NPRL3: variants seen among roughly 807,000 people sequenced by gnomAD.
NPRL3 encodes NPR3 like, GATOR1 complex subunit.
In NPRL3, 23 loss-of-function variants were observed where a neutral mutation model predicts 57.2. The observed-to-expected ratio is 0.40, with a 90% CI of 0.29 to 0.57. NPRL3 has a LOEUF of 0.57. Among genes scored for constraint, NPRL3 ranks in the 20% least tolerant of loss-of-function variants. NPRL3 has a pLI of 0.42. For missense variants in NPRL3, 691 were observed against 767.1 expected (o/e 0.90, Z 1.17); for synonymous variants, 333 against 321.1 (o/e 1.04, Z -0.39).
intron 9 of NPRL3, among the ~76,000 whole-genome samples, chr16:95,350 TACACACACACACACACACAC>T (rs142854412): frequency 1.8e-5 from 2 of 110,990 alleles, no homozygotes; most frequent in Admixed American, 9.3e-5. Context: ...TATATATATA[TACACACACACACACACACAC>T]ACACACACAC....
At position 100,373 on chromosome 16, in the gene NPRL3, G is replaced by C. The variant is rs779688768; in HGVS notation, c.766C>G (p.Arg256Gly). 4 of 1,534,012 alleles carry C rather than the reference G, an allele frequency of 2.6e-6. No individual in the cohort carries two copies. Among genetic ancestry groups the C allele is most frequent in the Non-Finnish European group, 3.5e-6 (4 of 1,139,472 alleles). ...GAGCACGTGGGGCTGGGCACTTACC[G>C]GATGGCTTTCAGGCTCCGTTCGATG... ...EAIERSLKAI[R>G]PYHALLLLSD... Residue 256 changes from arginine to glycine, a missense_variant and splice_region_variant, in exon 8 of 14, where the codon CGC (arginine) becomes GGC (glycine). Physicochemically the swap from Arg to Gly is moderately radical, Grantham distance 125 (BLOSUM62 -2). Transcript: ENST00000611875.
chr16:131,152 T>G (rs569900700), intron 2 of NPRL3, among the ~76,000 whole-genome samples: 109 of 152,258 alleles, frequency 7.2e-4, no homozygotes, highest in African/African-American at 2.4e-3. Flanking sequence ...CTGGCCAACA[T>G]GGCGAAACCC....
intron 12 of NPRL3, 110 bp from the exon 13 acceptor site, chr16:89,000 G>A: frequency 1.0e-6 from 1 of 961,322 alleles, no homozygotes; most frequent in South Asian, 1.6e-5. Context: ...CTCCTACAAG[G>A]GTTAGGGTAC....
chr16:96,670 AT>A (rs1236049421), intron 9 of NPRL3, among the ~76,000 whole-genome samples: 7 of 149,760 alleles, frequency 4.7e-5, no homozygotes, highest in East Asian at 1.9e-4. Context: ...AAAAAAAAAA[AT>A]ATTAGCCAGG....
At chr16:100,769 A>G (rs1596509109) in intron 7 of NPRL3, among the ~76,000 whole-genome samples, 1 of 25,056 alleles carries the variant, frequency 4.0e-5, no homozygotes, top group South Asian at 1.4e-3. Flanking sequence ...GCAGTTCGAG[A>G]CCAGCCTGGC....
chr16:95,213 T>C (rs1337488979), intron 9 of NPRL3, among the ~76,000 whole-genome samples: 2 of 152,124 alleles, frequency 1.3e-5, no homozygotes, highest in Middle Eastern at 3.4e-3. Flanking sequence ...TTCACATTCA[T>C]AGATTTTGGG....
chr16:89,783 G>A lies in NPRL3; in HGVS notation c.1281C>T (p.Asp427=), dbSNP rs376125073. Residue 427 remains aspartate (D), a synonymous_variant, in exon 12 of 14, where the codon GAC becomes GAT. Coordinates refer to ENST00000611875, the MANE Select transcript of NPRL3 (RefSeq NM_001077350.3). The stretch of plus-strand genomic sequence containing the variant: ...CGCCGACCCGGGCAGTGAAGGGGAC[G>A]TCGTCCTCTCGCGGACGGGGCTCCT... ...SEEEPRPRED[D]VPFTARVGGR... 2.9e-5 allele frequency: 47 copies of A among 1,601,546 alleles called. No homozygotes were observed. The Middle Eastern group carries it at 1.3e-3, about 45-fold the overall frequency.
intron 4 of NPRL3, among the ~76,000 whole-genome samples, 195 bp from the exon 5 acceptor site, chr16:117,570 G>A (rs1900097631): frequency 6.6e-6 from 1 of 152,232 alleles, no homozygotes. Flanking sequence ...GGGAAGGTCA[G>A]TGCTCTGACC....
chr16:103,405 T>A lies in NPRL3; in HGVS notation c.630-2896A>T, dbSNP rs530612552. Among the ~76,000 whole-genome samples the A allele has an allele frequency of 1.4e-4, 21 of 147,746 alleles. 1 individual carries two copies. The highest frequency in any genetic ancestry group is 4.7e-4 in the African/African-American group (19 of 40,054). Reference sequence around the variant, plus strand: ...ATCCTCCCACCTTGGCTTTTCAAAGTGCTAGGATTACAGGCGTGAGCCACC... The same window carrying A: ...ATCCTCCCACCTTGGCTTTTCAAAGAGCTAGGATTACAGGCGTGAGCCACC... On this transcript the variant is annotated intron_variant, in intron 7 of 13. Transcript: ENST00000611875.
chr16:101,209 C>T lies in NPRL3; in HGVS notation c.630-700G>A, dbSNP rs191020655. 3.5e-3 allele frequency among the ~76,000 whole-genome samples: 535 copies of T among 152,228 alleles called. 3 individuals carry two copies. The highest frequency in any genetic ancestry group is 0.01 in the Middle Eastern group (3 of 294). ...GTGAATGGGCCTGCCCTGCACACCT[C>T]ATGAAGACCCGTCACAGGTGCACGT... is the stretch of plus-strand genomic sequence containing the variant. On this transcript the variant is annotated intron_variant, in intron 7 of 13. Coordinates refer to ENST00000611875, the MANE Select transcript of NPRL3 (RefSeq NM_001077350.3).
In NPRL3 at chr16:112,683, G is replaced by A; in HGVS notation, c.486C>T (p.Tyr162=). 1 of 1,609,972 alleles carries A rather than the reference G, an allele frequency of 6.2e-7. No individual in the cohort carries two copies. The highest frequency in any genetic ancestry group is 8.5e-7 in the Non-Finnish European group (1 of 1,178,132). ...GGATCAGCTTGGCCTCCCGGGTGAGGTACTGGCAGCGGCGCTCCTCGTGCT... is the reference window on the plus strand; with the variant it reads ...GGATCAGCTTGGCCTCCCGGGTGAGATACTGGCAGCGGCGCTCCTCGTGCT... ...VLQHEERRCQ[Y]LTREAKLILA... Residue 162 remains tyrosine (Y), a synonymous_variant, in exon 6 of 14, where the codon TAC becomes TAT. Coordinates refer to ENST00000611875, the MANE Select transcript of NPRL3 (RefSeq NM_001077350.3).
rs1307437472 is a variant in NPRL3 at position 93,255 on chromosome 16, T to G, written c.995A>C (p.Asn332Thr). Residue 332 changes from asparagine (N) to threonine (T), a missense_variant, in exon 10 of 14, where the codon AAC (asparagine) becomes ACC (threonine). Coordinates refer to ENST00000611875, the MANE Select transcript of NPRL3 (RefSeq NM_001077350.3). ...GGCATTGGGAGACAGCATGTAGACG[T>G]TGTTCTCACACAGCGGGTAGATGAT... The part of the protein sequence containing the change: ...AIIIYPLCEN[N>T]VYMLSPNASV... The G allele has an allele frequency of 1.9e-6, 3 of 1,559,692 alleles. No homozygotes were observed. In the African/African-American group the frequency reaches 4.1e-5, roughly 21 times the overall value.
rs2141946228 is a variant in NPRL3 at position 110,598 on chromosome 16, C to G, written c.556G>C (p.Gly186Arg). 1 of 1,608,536 alleles carries G rather than the reference C, an allele frequency of 6.2e-7. No individual in the cohort carries two copies. The highest frequency in any genetic ancestry group is 1.7e-5 in the Admixed American group (1 of 59,272). ...ATGTGATGGAATGGGGACTGAGGACCTTCATTTCCTACAAGAATCACAACA... is the reference window on the plus strand; with the variant it reads ...ATGTGATGGAATGGGGACTGAGGACGTTCATTTCCTACAAGAATCACAACA... ...EVSAMADGNE[G>R]PQSPFHHILP... Residue 186 changes from glycine to arginine, a missense_variant, in exon 7 of 14, where the codon GGT becomes CGT. By Grantham distance (125) the Gly-to-Arg change is moderately radical. Transcript: ENST00000611875.
intron 9 of NPRL3, among the ~76,000 whole-genome samples, chr16:95,070 G>A (rs746231211): frequency 5.9e-5 from 9 of 151,926 alleles, no homozygotes; most frequent in African/African-American, 1.2e-4. Context: ...TGGCCACATC[G>A]CTGCCTCTTT....
intron 13 of NPRL3, 109 bp downstream of exon 13, chr16:88,589 G>T: frequency 1.0e-6 from 1 of 982,362 alleles, no homozygotes. Flanking sequence ...CTCGAACAGG[G>T]CCCCATCTGT....
chr16:132,936 T>C (rs1339782431), intron 2 of NPRL3, among the ~76,000 whole-genome samples: 1 of 152,180 alleles, frequency 6.6e-6, no homozygotes, highest in East Asian at 1.9e-4. Context: ...CCCAAAGTGC[T>C]AGGATTACAG....
intron 11 of NPRL3, chr16:90,954 C>G (rs1270604360): frequency 6.6e-6 from 1 of 152,268 alleles, no homozygotes; most frequent in Non-Finnish European, 1.5e-5. Flanking sequence ...GTGGCACACA[C>G]CTGTAATCCC....
At chr16:97,773 G>C (rs1048421674) in intron 9 of NPRL3, among the ~76,000 whole-genome samples, 4 of 152,114 alleles carry the variant, frequency 2.6e-5, no homozygotes, top group African/African-American at 9.7e-5. Context: ...CTTAGTTCCC[G>C]TATGTTGTTC....
chr16:86,364 A>G lies in NPRL3; in HGVS notation c.*341T>C. ...AAGGAGCAGGTGTAGGGACAGAAGG[A>G]GGGTCTGAGAAACGCACAGCCCACA... On this transcript the variant is annotated 3_prime_UTR_variant, in exon 14 of 14. Transcript: ENST00000611875. 1 of 275,278 alleles carries G rather than the reference A, an allele frequency of 3.6e-6. No individual in the cohort carries two copies. The highest frequency in any genetic ancestry group is 7.4e-5 in the South Asian group (1 of 13,532). 17.1% of individuals were successfully genotyped at this position (275,278 alleles called of 1,614,324 possible).
Sources: allele counts gnomAD v4.1 joint callset (sites outside exome capture counted in the v4.1 genomes callset), GRCh38; gene constraint gnomAD v4.1.1; transcripts MANE v1.5; gene names NCBI Gene and HGNC (gene_info 2026-07-23, HGNC 2026-07-21).